Variants in RYR3 observed in about 807,000 individuals in gnomAD.
RYR3 encodes the protein brain ryanodine receptor-calcium release channel.
In RYR3, 207 loss-of-function variants were observed where a neutral mutation model predicts 584.3. That is an observed-to-expected ratio of 0.35 (90% CI 0.32 to 0.40). The LOEUF (loss-of-function observed/expected upper bound fraction) is 0.40. Ranked by LOEUF, RYR3 falls within the 10% of genes least tolerant of loss-of-function variation. The pLI is 1.00. For synonymous variants in RYR3, 2,416 were observed against 2,248.5 expected (o/e 1.07, Z -2.11); for missense variants, 5,616 against 6,089.2 (o/e 0.92, Z 2.59).
intron 57 of RYR3, among the ~76,000 whole-genome samples, chr15:33,754,109 A>C (rs2071583983): frequency 6.6e-6 from 1 of 152,062 alleles, no homozygotes. Flanking sequence ...ATGCCAATGC[A>C]CTCCAATCTG....
At chr15:33,670,597 G>T (rs189519679) in intron 38 of RYR3, 41 bp downstream of exon 38, 105 of 1,518,034 alleles carry the variant, frequency 6.9e-5, no homozygotes, top group Admixed American at 1.6e-4. Flanking sequence ...GCTCTTCTAA[G>T]ACTTAATTAA....
In RYR3 at chr15:33,841,897, A is replaced by C. The variant is rs748419368; in HGVS notation, c.13071A>C (p.Lys4357Asn). 6.3e-7 allele frequency: 1 copy of C among 1,596,680 alleles called. No homozygotes were observed. Among genetic ancestry groups the C allele is most frequent in the African/African-American group, 1.3e-5 (1 of 74,588 alleles). ...ATGGAGAGAAGGAAGACAAAGACAA[A>C]GAAGAGGAGCAAGCTGAGTACCTGT... ...MEDGEKEDKDKEEEQAEYLWT... is the reference protein window; with the variant it reads ...MEDGEKEDKDNEEEQAEYLWT... Residue 4357 changes from lysine (K) to asparagine (N), a missense_variant, in exon 91 of 104, where the codon AAA becomes AAC. Coordinates refer to ENST00000634891, the MANE Select transcript of RYR3 (RefSeq NM_001036.6).
chr15:33,504,402 C>T (rs1053789963), intron 3 of RYR3, among the ~76,000 whole-genome samples: 3 of 152,134 alleles, frequency 2.0e-5, no homozygotes, highest in Admixed American at 6.5e-5. Context: ...TATTTGTCAT[C>T]AAATACTTTA....
chr15:33,773,423 G>A, intron 63 of RYR3, 111 bp from the exon 64 acceptor site: 1 of 756,022 alleles, frequency 1.3e-6, no homozygotes, highest in South Asian at 1.5e-5. Context: ...AGAGAGAAAG[G>A]GAGAGATCTT....
chr15:33,666,385 A>T (rs985832762), intron 36 of RYR3, among the ~76,000 whole-genome samples: 1 of 152,144 alleles, frequency 6.6e-6, no homozygotes, highest in African/African-American at 2.4e-5. Context: ...GGTAATGCTG[A>T]TACTGCTGGT....
intron 2 of RYR3, among the ~76,000 whole-genome samples, chr15:33,497,620 G>C (rs1347635496): frequency 6.6e-6 from 1 of 152,038 alleles, no homozygotes; most frequent in Admixed American, 6.6e-5. Context: ...ATATTTTATG[G>C]GGTACAGTGT....
chr15:33,344,913 G>A (rs942398820), intron 1 of RYR3, among the ~76,000 whole-genome samples: 3 of 152,178 alleles, frequency 2.0e-5, no homozygotes, highest in Admixed American at 2.0e-4. Flanking sequence ...TGATGCTATA[G>A]CTGATGTTCA....
chr15:33,589,166 G>T (rs935592482), intron 16 of RYR3, among the ~76,000 whole-genome samples: 1 of 152,192 alleles, frequency 6.6e-6, no homozygotes, highest in African/African-American at 2.4e-5. Flanking sequence ...CTAGTGTTAA[G>T]ATGACATCTC....
chr15:33,345,713 A>G (rs775847432), intron 1 of RYR3, among the ~76,000 whole-genome samples: 2 of 152,142 alleles, frequency 1.3e-5, no homozygotes, highest in Non-Finnish European at 2.9e-5. Context: ...CCAGCACCTC[A>G]TTGCATCAGG....
At chr15:33,435,370 C>T (rs1352835863) in intron 1 of RYR3, among the ~76,000 whole-genome samples, 2 of 152,102 alleles carry the variant, frequency 1.3e-5, no homozygotes, top group South Asian at 2.1e-4. Flanking sequence ...ATATGGTTCT[C>T]ATCAATTTTC....
chr15:33,669,950 T>TG (rs1398439266), intron 37 of RYR3, among the ~76,000 whole-genome samples: 3 of 150,816 alleles, frequency 2.0e-5, no homozygotes, highest in African/African-American at 7.3e-5. Context: ...AATCTCTACT[T>TG]GGATACGTAC....
intron 96 of RYR3, 129 bp from the exon 97 acceptor site, chr15:33,854,260 A>C: frequency 1.4e-6 from 1 of 711,918 alleles, no homozygotes; most frequent in Non-Finnish European, 2.4e-6. Flanking sequence ...GAGCACATAC[A>C]ACTTGATAAA....
At chr15:33,761,843 G>C (rs1429457697) in intron 60 of RYR3, among the ~76,000 whole-genome samples, 1 of 152,072 alleles carries the variant, frequency 6.6e-6, no homozygotes, top group Non-Finnish European at 1.5e-5. Flanking sequence ...GATGAACATC[G>C]ATGCGAAAAT....
At chr15:33,761,542 A>G (rs2072450747) in intron 60 of RYR3, among the ~76,000 whole-genome samples, 1 of 152,244 alleles carries the variant, frequency 6.6e-6, no homozygotes. Context: ...CACCCTCCCA[A>G]GACTAAACCA....
intron 5 of RYR3, among the ~76,000 whole-genome samples, chr15:33,534,296 G>A (rs562441950): frequency 1.3e-5 from 2 of 152,328 alleles, no homozygotes; most frequent in Non-Finnish European, 2.9e-5. Flanking sequence ...AGCTACTCAG[G>A]AGGCTGAGGT....
chr15:33,609,491 A>G (rs377292651), intron 18 of RYR3, among the ~76,000 whole-genome samples: 1 of 152,186 alleles, frequency 6.6e-6, no homozygotes, highest in Admixed American at 6.5e-5. Flanking sequence ...TCCTATCTCT[A>G]CTGAAAATAC....
chr15:33,782,716 A>G (rs1273926298), intron 65 of RYR3, among the ~76,000 whole-genome samples: 1 of 152,214 alleles, frequency 6.6e-6, no homozygotes, highest in Non-Finnish European at 1.5e-5. Flanking sequence ...CTGATTTATC[A>G]TGTCTTCAGT....
intron 10 of RYR3, among the ~76,000 whole-genome samples, chr15:33,562,473 A>G (rs2057462076): frequency 6.6e-6 from 1 of 152,222 alleles, no homozygotes; most frequent in African/African-American, 2.4e-5. Context: ...CTCGCTGGAA[A>G]TAAGTTAATT....
intron 1 of RYR3, among the ~76,000 whole-genome samples, chr15:33,312,508 C>T (rs541180346): frequency 1.3e-5 from 2 of 152,188 alleles, no homozygotes; most frequent in South Asian, 2.1e-4. Flanking sequence ...CAAGATGGCC[C>T]CACAGTTGCA....
Sources: gnomAD v4.1 joint callset for allele counts (sites outside exome capture counted in the v4.1 genomes callset) on GRCh38, gnomAD v4.1.1 for gene constraint, MANE v1.5 for transcripts, NCBI Gene and HGNC (gene_info 2026-07-23, HGNC 2026-07-21) for gene names.